The following MIR2052HG variants were observed in gnomAD, a reference collection of about 807,000 sequenced individuals.
MIR2052HG encodes the protein MIR2052 host gene.
intron 2 of MIR2052HG, among the ~76,000 whole-genome samples, chr8:74,676,526 C>G (rs1809054831): frequency 6.6e-6 from 1 of 150,380 alleles, no homozygotes; most frequent in African/African-American, 2.4e-5. Flanking sequence ...AATGAGAAAA[C>G]AAAACTAACC....
At chr8:74,722,401 C>T (rs1358668058) in intron 4 of MIR2052HG, among the ~76,000 whole-genome samples, 1 of 152,122 alleles carries the variant, frequency 6.6e-6, no homozygotes, top group Admixed American at 6.5e-5. Flanking sequence ...AAATTAGCAT[C>T]CTATTGATTT....
chr8:74,711,335 T>G (rs74731691), intron 4 of MIR2052HG, among the ~76,000 whole-genome samples: 1 of 152,326 alleles, frequency 6.6e-6, no homozygotes, highest in African/African-American at 2.4e-5. Flanking sequence ...GACACTATAT[T>G]GTTTACTGTT....
chr8:74,724,247 T>TA (rs111380625), intron 4 of MIR2052HG, among the ~76,000 whole-genome samples: 3,722 of 150,060 alleles, frequency 0.025, 64 homozygotes, highest in African/African-American at 0.057. Flanking sequence ...GCAGAAACTT[T>TA]AAAAAAAAAA....
At chr8:74,617,482 TGTGTGTATAC>T (rs898225944) in intron 2 of MIR2052HG, among the ~76,000 whole-genome samples, 2 of 149,182 alleles carry the variant, frequency 1.3e-5, no homozygotes, top group African/African-American at 2.5e-5. Flanking sequence ...TGTGTGTGTG[TGTGTGTATAC>T]ATACATACAT....
At chr8:74,709,502 A>G (rs190906027) in intron 4 of MIR2052HG, among the ~76,000 whole-genome samples, 3 of 152,142 alleles carry the variant, frequency 2.0e-5, no homozygotes, top group Admixed American at 6.6e-5. Flanking sequence ...AAAAGAGGAA[A>G]ATGTTACTCC....
At chr8:74,735,289 A>T (rs969275017) in intron 4 of MIR2052HG, among the ~76,000 whole-genome samples, 4 of 152,158 alleles carry the variant, frequency 2.6e-5, no homozygotes, top group Admixed American at 2.0e-4. Context: ...GGCTGTTCTC[A>T]GTTCTGAGTA....
intron 4 of MIR2052HG, among the ~76,000 whole-genome samples, chr8:74,729,720 C>T (rs1809671373): frequency 6.6e-6 from 1 of 152,102 alleles, no homozygotes; most frequent in Non-Finnish European, 1.5e-5. Context: ...TTAAAAATCC[C>T]TATTACTTAA....
intron 2 of MIR2052HG, among the ~76,000 whole-genome samples, chr8:74,685,571 AATTCTTTGTCAT>A (rs1412413052): frequency 6.6e-6 from 1 of 152,090 alleles, no homozygotes; most frequent in Non-Finnish European, 1.5e-5. Context: ...ATAACTTTTC[AATTCTTTGTCAT>A]AGTCTTCCAC....
chr8:74,670,855 C>T (rs775458207), intron 2 of MIR2052HG, among the ~76,000 whole-genome samples: 17 of 152,148 alleles, frequency 1.1e-4, no homozygotes, highest in South Asian at 8.3e-4. Flanking sequence ...TTTAAATAAA[C>T]GATTTCTTTC....
At chr8:74,603,581 GA>G in intron 1 of MIR2052HG, 1 of 1,546,684 alleles carries the variant, frequency 6.5e-7, no homozygotes, top group Non-Finnish European at 8.9e-7. Flanking sequence ...TGCGTCATGG[GA>G]AAATGAGACT....
At chr8:74,629,998 C>G (rs1012234503) in intron 2 of MIR2052HG, among the ~76,000 whole-genome samples, 4 of 152,140 alleles carry the variant, frequency 2.6e-5, no homozygotes, top group Non-Finnish European at 5.9e-5. Flanking sequence ...TAGGAATTCT[C>G]TGACTGAAGA....
At chr8:74,753,322 T>C (rs1326535774) in intron 5 of MIR2052HG, among the ~76,000 whole-genome samples, 2 of 152,228 alleles carry the variant, frequency 1.3e-5, no homozygotes, top group African/African-American at 2.4e-5. Context: ...TTGTTGCTAA[T>C]ATGTTAAATT....
intron 2 of MIR2052HG, among the ~76,000 whole-genome samples, chr8:74,622,552 C>T (rs1318076528): frequency 1.3e-5 from 2 of 151,952 alleles, no homozygotes; most frequent in Non-Finnish European, 2.9e-5. Flanking sequence ...TGCAGTGAGA[C>T]AAGATCTCAT....
At chr8:74,643,921 A>G (rs1056605509) in intron 2 of MIR2052HG, among the ~76,000 whole-genome samples, 1 of 152,190 alleles carries the variant, frequency 6.6e-6, no homozygotes, top group Non-Finnish European at 1.5e-5. Context: ...ATTAGAACAG[A>G]CTTTTATCAC....
At chr8:74,752,849 T>G (rs1809962073) in intron 5 of MIR2052HG, among the ~76,000 whole-genome samples, 1 of 152,184 alleles carries the variant, frequency 6.6e-6, no homozygotes, top group Non-Finnish European at 1.5e-5. Context: ...TGAAAAAACT[T>G]TCAGTTAAAA....
At chr8:74,751,084 G>A (rs1427663371) in intron 4 of MIR2052HG, among the ~76,000 whole-genome samples, 1 of 152,150 alleles carries the variant, frequency 6.6e-6, no homozygotes, top group Non-Finnish European at 1.5e-5. Flanking sequence ...AAATGTATTT[G>A]TAAACACAAA....
intron 1 of MIR2052HG, among the ~76,000 whole-genome samples, chr8:74,605,060 G>A (rs1808091795): frequency 6.6e-6 from 1 of 152,024 alleles, no homozygotes; most frequent in African/African-American, 2.4e-5. Flanking sequence ...CCCATATTCT[G>A]CCCTTCATGA....
chr8:74,749,561 G>A (rs1809922914), intron 4 of MIR2052HG, among the ~76,000 whole-genome samples: 1 of 152,018 alleles, frequency 6.6e-6, no homozygotes, highest in Non-Finnish European at 1.5e-5. Context: ...CATTAAATAA[G>A]CTTCGTAAGC....
intron 2 of MIR2052HG, among the ~76,000 whole-genome samples, chr8:74,632,790 C>G (rs1000423018): frequency 6.6e-6 from 1 of 152,052 alleles, no homozygotes; most frequent in Non-Finnish European, 1.5e-5. Flanking sequence ...TGGCTCTTTT[C>G]TCTGAAGACA....
Sources: gnomAD v4.1 joint callset for allele counts (sites outside exome capture counted in the v4.1 genomes callset) on GRCh38, gnomAD v4.1.1 for gene constraint, MANE v1.5 for transcripts, NCBI Gene and HGNC (gene_info 2026-07-23, HGNC 2026-07-21) for gene names.